KLRG1: variants seen among roughly 807,000 people sequenced by gnomAD.
KLRG1 encodes the protein killer cell lectin like receptor G1.
Under a neutral mutation model 21.8 loss-of-function variants are expected in KLRG1, and 16 were observed. That is an observed-to-expected ratio of 0.73 (90% CI 0.50 to 1.11). KLRG1 has a LOEUF of 1.11. Among genes scored for constraint, KLRG1 ranks in the 50% most tolerant of loss-of-function variants. The probability of loss-of-function intolerance (pLI) is 0.00; values close to 1 mark genes in which losing one functional copy is unlikely to be tolerated. For missense variants in KLRG1, 173 were observed against 218.3 expected (o/e 0.79, Z 1.31); for synonymous variants, 69 against 75.9 (o/e 0.91, Z 0.47).
the KLRG1 span, chr12:9,115,162 G>A: frequency 6.6e-6 from 1 of 152,328 alleles, no homozygotes; most frequent in Non-Finnish European, 1.5e-5. Context: ...AAATCACCTA[G>A]TACTCTATTA....
At chr12:8,965,489 T>C (rs1326564926) in intron 1 of KLRG1, among the ~76,000 whole-genome samples, 1 of 152,164 alleles carries the variant, frequency 6.6e-6, no homozygotes, top group Non-Finnish European at 1.5e-5. Flanking sequence ...TTCAGCAAAG[T>C]CTCAGGATAC....
the KLRG1 span, among the ~76,000 whole-genome samples, chr12:9,137,047 T>A: frequency 3.3e-5 from 5 of 152,212 alleles, no homozygotes; most frequent in African/African-American, 1.2e-4. Flanking sequence ...GTTCAACTTA[T>A]TTGTTTTTGT....
chr12:9,151,615 A>T, the KLRG1 span: 1 of 1,613,822 alleles, frequency 6.2e-7, no homozygotes, highest in Non-Finnish European at 8.5e-7. Flanking sequence ...TGTTCCACAT[A>T]AATGAGGACA....
At chr12:9,118,120 A>G in the KLRG1 span, among the ~76,000 whole-genome samples, 3 of 152,220 alleles carry the variant, frequency 2.0e-5, no homozygotes, top group African/African-American at 4.8e-5. Flanking sequence ...ATCAGACAGA[A>G]TAAGTGAGAA....
chr12:8,992,795 C>T (rs1256421967), intron 2 of KLRG1, among the ~76,000 whole-genome samples: 1 of 152,030 alleles, frequency 6.6e-6, no homozygotes, highest in East Asian at 1.9e-4. Context: ...TTCTTGGCCT[C>T]CCAAAGTGCT....
chr12:9,025,852 C>A, the KLRG1 span, among the ~76,000 whole-genome samples: 10 of 152,216 alleles, frequency 6.6e-5, no homozygotes, highest in East Asian at 1.5e-3. Context: ...TGGTGAACTT[C>A]ATTTTCTCAG....
chr12:9,092,541 G>T, the KLRG1 span, among the ~76,000 whole-genome samples: 3 of 152,176 alleles, frequency 2.0e-5, no homozygotes, highest in Non-Finnish European at 4.4e-5. Context: ...GACTCCAGGA[G>T]CCTGAAAGGG....
intron 1 of KLRG1, among the ~76,000 whole-genome samples, chr12:8,956,235 A>C (rs1199653981): frequency 6.6e-6 from 1 of 152,128 alleles, no homozygotes; most frequent in Non-Finnish European, 1.5e-5. Flanking sequence ...CGGCCACCCC[A>C]CGTTATGGGA....
At chr12:9,149,530 CTAG>C in the KLRG1 span, 2 of 1,599,870 alleles carry the variant, frequency 1.3e-6, no homozygotes, top group Non-Finnish European at 1.7e-6. Flanking sequence ...TTAATGCCAT[CTAG>C]TACTGGTCAT....
the KLRG1 span, chr12:9,192,611 A>C: frequency 6.2e-7 from 1 of 1,614,190 alleles, no homozygotes; most frequent in South Asian, 1.1e-5. Context: ...GCAGGGTACC[A>C]GCCACAGGCT....
chr12:8,963,384 C>T (rs764767263), intron 1 of KLRG1, among the ~76,000 whole-genome samples: 9 of 152,106 alleles, frequency 5.9e-5, no homozygotes, highest in Non-Finnish European at 1.2e-4. Flanking sequence ...GAGATGAAGC[C>T]CACTTGATCA....
chr12:9,169,711 T>C, the KLRG1 span: 2 of 928,434 alleles, frequency 2.2e-6, no homozygotes, highest in African/African-American at 3.4e-5. Flanking sequence ...ATGTAGTTGG[T>C]ACCTTAGAGA....
the KLRG1 span, among the ~76,000 whole-genome samples, chr12:9,026,917 G>A: frequency 6.6e-6 from 1 of 151,970 alleles, no homozygotes; most frequent in African/African-American, 2.4e-5. Context: ...GTACCGTGGT[G>A]TAATCATGGC....
intron 1 of KLRG1, 128 bp from the exon 2 acceptor site, chr12:8,992,078 T>C (rs1366849896): frequency 2.9e-6 from 2 of 685,234 alleles, no homozygotes; most frequent in Admixed American, 2.7e-5. Flanking sequence ...AGAAAAGGAA[T>C]CTTTATGGCC....
At chr12:9,208,564 A>G in the KLRG1 span, among the ~76,000 whole-genome samples, 2 of 152,128 alleles carry the variant, frequency 1.3e-5, no homozygotes, top group Non-Finnish European at 2.9e-5. Flanking sequence ...GTACTGAGGC[A>G]TGTCTGGAAG....
chr12:9,021,743 CG>C, the KLRG1 span, among the ~76,000 whole-genome samples: 1 of 152,020 alleles, frequency 6.6e-6, no homozygotes, highest in African/African-American at 2.4e-5. Flanking sequence ...ACATTAGCCT[CG>C]GGCTACACAG....
At chr12:9,107,874 GT>G in the KLRG1 span, among the ~76,000 whole-genome samples, 14 of 146,816 alleles carry the variant, frequency 9.5e-5, no homozygotes, top group Non-Finnish European at 1.8e-4. Context: ...TTTTTTCCTC[GT>G]TTTTTTTTAG....
intron 1 of KLRG1, among the ~76,000 whole-genome samples, chr12:8,954,319 C>T (rs999071682): frequency 3.3e-5 from 5 of 151,390 alleles, no homozygotes; most frequent in Admixed American, 6.6e-5. Flanking sequence ...TACGAAGTTG[C>T]GGTTAGATTC....
At chr12:9,044,845 C>T in the KLRG1 span, among the ~76,000 whole-genome samples, 5 of 152,152 alleles carry the variant, frequency 3.3e-5, no homozygotes, top group African/African-American at 4.8e-5. Context: ...AATTCTTATC[C>T]TGGCTTTATA....
Sources: allele counts gnomAD v4.1 joint callset (sites outside exome capture counted in the v4.1 genomes callset), GRCh38; gene constraint gnomAD v4.1.1; transcripts MANE v1.5; gene names NCBI Gene and HGNC (gene_info 2026-07-23, HGNC 2026-07-21).